Variants in RASAL2 observed in about 807,000 individuals in gnomAD.
RASAL2 encodes the protein ras GTPase-activating protein nGAP.
Under a neutral mutation model 128.9 loss-of-function variants are expected in RASAL2, and 58 were observed. The observed-to-expected ratio is 0.45, with a 90% CI of 0.36 to 0.56. The LOEUF is 0.56. Among genes scored for constraint, RASAL2 ranks in the 20% least tolerant of loss-of-function variants. The probability of loss-of-function intolerance (pLI) is 0.00; values close to 1 mark genes in which losing one functional copy is unlikely to be tolerated. For synonymous variants in RASAL2, 561 were observed against 580.8 expected, an observed-to-expected ratio of 0.97 and a Z score of 0.49; for missense variants, 1,360 against 1,601.6, an observed-to-expected ratio of 0.85 and a Z score of 2.57.
rs568797289 is a variant in RASAL2 at position 178,474,010 on chromosome 1, C to T, written c.*771C>T. On this transcript the variant is annotated 3_prime_UTR_variant, in exon 18 of 18. Transcript: ENST00000367649. ...TAGACAGGGGCTTTTTGTTTTTAAC[C>T]CCAATTGTAATAAAGGGTGTTCTTT... 1 of 152,316 alleles carries T rather than the reference C, an allele frequency of 6.6e-6. No homozygotes were observed. The highest frequency in any genetic ancestry group is 2.4e-5 in the African/African-American group (1 of 41,516). 9.4% of individuals were successfully genotyped at this position (152,316 alleles called of 1,614,324 possible). A position where few individuals can be genotyped will look rare whatever the true frequency, so the allele number is the denominator to read the frequency against.
In RASAL2 at chr1:178,207,365, T is replaced by C. The variant is rs779750616; in HGVS notation, c.203-76199T>C. 6.6e-5 allele frequency among the ~76,000 whole-genome samples: 10 copies of C among 152,176 alleles called. No homozygotes were observed. The East Asian group carries it at 1.5e-3, about 23-fold the overall frequency. On this transcript the variant is annotated intron_variant, in intron 1 of 17. Coordinates refer to ENST00000367649, the MANE Select transcript of RASAL2 (RefSeq NM_170692.4). ...TTGAAGATATTAGAAAAAGTAATAA[T>C]AACAATAAAAATAACACAAATACAA...
chr1:178,108,955 AT>A (rs1421286623), intron 1 of RASAL2, among the ~76,000 whole-genome samples: 1 of 152,178 alleles, frequency 6.6e-6, no homozygotes, highest in Non-Finnish European at 1.5e-5. Flanking sequence ...AAATTCATGT[AT>A]TTTTAGCAGT....
chr1:178,280,441 A>AT (rs1012017860), intron 1 of RASAL2, among the ~76,000 whole-genome samples: 2 of 152,000 alleles, frequency 1.3e-5, no homozygotes, highest in Non-Finnish European at 2.9e-5. Flanking sequence ...ATGAATTCAT[A>AT]TTTTTTAAAT....
chr1:178,478,255 A>G lies in RASAL2; in HGVS notation c.*5016A>G. On this transcript the variant is annotated 3_prime_UTR_variant, in exon 18 of 18. Transcript: ENST00000367649. ...GGACCTCCATCATCTTTGTGGGGGT[A>G]CAGATATTTATGTGTAAATATCATT... is the stretch of plus-strand genomic sequence containing the variant. 6.6e-6 allele frequency: 1 copy of G among 152,190 alleles called. No homozygotes were observed. The highest frequency in any genetic ancestry group is 1.5e-5 in the Non-Finnish European group (1 of 68,028). The allele number at this position is 152,190 out of a possible 1,614,324, so 9.4% of individuals were successfully genotyped here. A position where few individuals can be genotyped will look rare whatever the true frequency, so the allele number is the denominator to read the frequency against.
At chr1:178,127,685 A>C (rs937010077) in intron 1 of RASAL2, among the ~76,000 whole-genome samples, 4 of 152,044 alleles carry the variant, frequency 2.6e-5, no homozygotes, top group South Asian at 4.1e-4. Context: ...TCTAGTGGTG[A>C]TCTTTAAAAG....
intron 5 of RASAL2, among the ~76,000 whole-genome samples, chr1:178,435,137 G>A (rs1004469598): frequency 1.3e-5 from 2 of 151,998 alleles, no homozygotes; most frequent in Admixed American, 1.3e-4. Context: ...CAACTGCCAA[G>A]CCAAGCAGAA....
chr1:178,164,138 CTG>C (rs964069693), intron 1 of RASAL2, among the ~76,000 whole-genome samples: 5 of 151,970 alleles, frequency 3.3e-5, no homozygotes, highest in African/African-American at 1.2e-4. Context: ...GTGTCTGAAA[CTG>C]TTTCAAAATA....
At chr1:178,157,411 T>A (rs1661120115) in intron 1 of RASAL2, among the ~76,000 whole-genome samples, 1 of 152,208 alleles carries the variant, frequency 6.6e-6, no homozygotes, top group Non-Finnish European at 1.5e-5. Flanking sequence ...ATGCCCTTCC[T>A]TTTCTGTCAC....
intron 1 of RASAL2, among the ~76,000 whole-genome samples, chr1:178,105,326 T>C (rs1463779389): frequency 6.6e-6 from 1 of 152,202 alleles, no homozygotes; most frequent in East Asian, 1.9e-4. Context: ...GTTAACCAAA[T>C]TTTCTTTTAC....
intron 13 of RASAL2, 72 bp downstream of exon 13, chr1:178,456,971 C>T: frequency 6.9e-7 from 1 of 1,454,792 alleles, no homozygotes; most frequent in Non-Finnish European, 9.4e-7. Context: ...TATATTCAAC[C>T]TATTTGTTGA....
intron 1 of RASAL2, among the ~76,000 whole-genome samples, chr1:178,271,795 A>T (rs998734839): frequency 6.6e-6 from 1 of 152,182 alleles, no homozygotes; most frequent in Non-Finnish European, 1.5e-5. Context: ...AACCTGGTTT[A>T]TTGGGCTTTG....
At chr1:178,133,759 A>C (rs780894494) in intron 1 of RASAL2, among the ~76,000 whole-genome samples, 18 of 152,198 alleles carry the variant, frequency 1.2e-4, no homozygotes, top group Non-Finnish European at 2.2e-4. Context: ...CAAACCAGTA[A>C]GTAATAGTGC....
At position 178,209,684 on chromosome 1, in the gene RASAL2, T is replaced by G. The variant is rs980759032; in HGVS notation, c.203-73880T>G. Among the ~76,000 whole-genome samples, 6 of 152,150 alleles carry G rather than the reference T, an allele frequency of 3.9e-5. No individual in the cohort carries two copies. The South Asian group carries it at 1.2e-3, about 32-fold the overall frequency. On this transcript the variant is annotated intron_variant, in intron 1 of 17. Coordinates refer to ENST00000367649, the MANE Select transcript of RASAL2 (RefSeq NM_170692.4). ...ATCTGTTTATATCTCCTTTTCTCTC[T>G]TTTTCTCTCTCTCTCATATGATAAC... is the stretch of plus-strand genomic sequence containing the variant.
At chr1:178,137,735 C>T (rs1022060504) in intron 1 of RASAL2, among the ~76,000 whole-genome samples, 3 of 152,252 alleles carry the variant, frequency 2.0e-5, no homozygotes, top group African/African-American at 7.2e-5. Context: ...TGCTTACTGA[C>T]GCTTTCAAAT....
At chr1:178,334,715 G>T (rs775228673) in intron 3 of RASAL2, among the ~76,000 whole-genome samples, 2 of 152,166 alleles carry the variant, frequency 1.3e-5, no homozygotes, top group Non-Finnish European at 1.5e-5. Flanking sequence ...TAAAAAAATA[G>T]GCAGGCCGGA....
At chr1:178,275,582 T>C (rs1666466544) in intron 1 of RASAL2, among the ~76,000 whole-genome samples, 1 of 152,238 alleles carries the variant, frequency 6.6e-6, no homozygotes, top group Admixed American at 6.5e-5. Flanking sequence ...CTTTATCAAA[T>C]ATCAAGTTGT....
chr1:178,414,739 T>C (rs529687601), intron 4 of RASAL2, among the ~76,000 whole-genome samples: 136 of 152,290 alleles, frequency 8.9e-4, no homozygotes, highest in African/African-American at 3.2e-3. Context: ...CTGGGCCTGG[T>C]GCTTCTGTTT....
intron 8 of RASAL2, 150 bp from the exon 9 acceptor site, chr1:178,445,368 T>G: frequency 1.1e-6 from 1 of 915,934 alleles, no homozygotes; most frequent in Non-Finnish European, 1.6e-6. Flanking sequence ...CACCTAACAT[T>G]TTATCCTGAT....
At chr1:178,450,345 C>G (rs1411038169) in intron 9 of RASAL2, among the ~76,000 whole-genome samples, 1 of 152,064 alleles carries the variant, frequency 6.6e-6, no homozygotes, top group Non-Finnish European at 1.5e-5. Context: ...GTGACTTTTC[C>G]AGGCCCCACA....
Sources: gnomAD v4.1 joint callset for allele counts (sites outside exome capture counted in the v4.1 genomes callset) on GRCh38, gnomAD v4.1.1 for gene constraint, MANE v1.5 for transcripts, NCBI Gene and HGNC (gene_info 2026-07-23, HGNC 2026-07-21) for gene names.